The following PBRM1 variants were observed in gnomAD, a reference collection of about 807,000 sequenced individuals.
PBRM1 encodes polybromo 1.
Under a neutral mutation model 194.5 loss-of-function variants are expected in PBRM1, and 27 were observed. The ratio of observed to expected loss-of-function variants is 0.14; its 90% CI spans 0.10 to 0.19. The LOEUF is 0.19. Among genes scored for constraint, PBRM1 ranks in the 10% least tolerant of loss-of-function variants. The pLI is 1.00. For synonymous variants in PBRM1, 655 were observed against 693.2 expected, an observed-to-expected ratio of 0.94 and a Z score of 0.87; for missense variants, 1,466 against 2,077.2, an observed-to-expected ratio of 0.71 and a Z score of 5.72.
Position 52,590,131 on chromosome 3 carries a change from TA to T in PBRM1, c.2780-877del, listed in dbSNP as rs1166824052. Among the ~76,000 whole-genome samples, 12 of 152,028 alleles carry T rather than the reference TA, an allele frequency of 7.9e-5. No individual in the cohort carries two copies. In the South Asian group the frequency reaches 2.1e-3, roughly 26 times the overall value. ...TGAGCCACCGCGCCCAGATGACTTT[TA>T]TTTTTGTTAAGTAAAACTTATTAAT... On this transcript the variant is annotated intron_variant, in intron 17 of 29. Coordinates refer to ENST00000296302, the Ensembl canonical transcript of PBRM1.
Position 52,587,195 on chromosome 3 carries a change from T to A in PBRM1, c.3123+158A>T, listed in dbSNP as rs866865947. On this transcript the variant is annotated intron_variant, in intron 19 of 29. Transcript: ENST00000296302. ...TGGTCTTTCACAACGAAGTTCAGGTTAATTTCTTCCCAAATCTTTTCATAT... is the reference window on the plus strand; with the variant it reads ...TGGTCTTTCACAACGAAGTTCAGGTAAATTTCTTCCCAAATCTTTTCATAT... 5.3e-5 allele frequency among the ~76,000 whole-genome samples: 8 copies of A among 152,368 alleles called. 1 individual carries two copies. The Middle Eastern group carries it at 0.01, about 194-fold the overall frequency.
At chr3:52,621,850 G>A (rs373276769) in intron 13 of PBRM1, among the ~76,000 whole-genome samples, 2 of 152,130 alleles carry the variant, frequency 1.3e-5, no homozygotes, top group African/African-American at 2.4e-5. Flanking sequence ...CCAGGAGTTC[G>A]AGACCAGCCT....
At position 52,613,536 on chromosome 3, in the gene PBRM1, G is replaced by A. The variant is rs146832971; in HGVS notation, c.1924+1815C>T. Among the ~76,000 whole-genome samples the A allele has an allele frequency of 4.7e-4, 71 of 152,002 alleles. 1 individual carries two copies. Among genetic ancestry groups the A allele is most frequent in the Admixed American group, 2.6e-3 (39 of 15,242 alleles). ...TTTTATATTTTTTTGTAGAGACAAG[G>A]TCTCCCTATGTTGCCCAGGCTGGTC... On this transcript the variant is annotated intron_variant, in intron 15 of 29. Coordinates refer to ENST00000296302, the Ensembl canonical transcript of PBRM1.
intron 16 of PBRM1, chr3:52,608,984 C>T (rs1017025419): frequency 1.8e-5 from 4 of 226,596 alleles, no homozygotes; most frequent in East Asian, 1.1e-4. Context: ...AAAAGAAAAA[C>T]GCTGTTACTA....
chr3:52,629,175 T>C, intron 11 of PBRM1, 140 bp from the exon 13 acceptor site: 1 of 645,956 alleles, frequency 1.5e-6, no homozygotes, highest in South Asian at 2.1e-5. Flanking sequence ...AAAAATGACT[T>C]TTGAGATACA....
At chr3:52,570,454 C>T (rs2086684254) in intron 22 of PBRM1, among the ~76,000 whole-genome samples, 1 of 151,990 alleles carries the variant, frequency 6.6e-6, no homozygotes, top group Admixed American at 6.5e-5. Context: ...CCTTTTAATT[C>T]AGAAAAGGGA....
chr3:52,675,209 A>G (rs935011816), intron 2 of PBRM1, among the ~76,000 whole-genome samples: 46 of 152,240 alleles, frequency 3.0e-4, no homozygotes, highest in African/African-American at 1.0e-3. Flanking sequence ...TAGTAAGGAG[A>G]CTGAATCAGT....
chr3:52,555,291 G>T (rs1419688109), intron 26 of PBRM1, among the ~76,000 whole-genome samples: 1 of 152,166 alleles, frequency 6.6e-6, no homozygotes, highest in Non-Finnish European at 1.5e-5. Context: ...ACACTCATAT[G>T]CCTATCATGG....
At chr3:52,634,364 G>C (rs1163009563) in intron 11 of PBRM1, among the ~76,000 whole-genome samples, 1 of 149,718 alleles carries the variant, frequency 6.7e-6, no homozygotes, top group Non-Finnish European at 1.5e-5. Flanking sequence ...CTGAACCCAG[G>C]AGGCGGAGGT....
At chr3:52,595,906 C>T (rs1435543218) in intron 17 of PBRM1, among the ~76,000 whole-genome samples, 5 of 152,056 alleles carry the variant, frequency 3.3e-5, no homozygotes, top group South Asian at 2.1e-4. Context: ...CTGTCCTTTC[C>T]CCAATGTATA....
intron 14 of PBRM1, among the ~76,000 whole-genome samples, chr3:52,615,901 A>G (rs1025572739): frequency 6.6e-6 from 1 of 152,220 alleles, no homozygotes; most frequent in African/African-American, 2.4e-5. Flanking sequence ...CACAGTCTGA[A>G]GCTTAATCTA....
chr3:52,573,859 C>G (rs1559982219), intron 22 of PBRM1, among the ~76,000 whole-genome samples: 1 of 152,172 alleles, frequency 6.6e-6, no homozygotes, highest in Admixed American at 6.5e-5. Flanking sequence ...TACTTTCTGT[C>G]TCAGTGGCAG....
chr3:52,638,995 G>C (rs1268279761), intron 10 of PBRM1, among the ~76,000 whole-genome samples: 1 of 118,246 alleles, frequency 8.5e-6, no homozygotes, highest in East Asian at 3.0e-4. Context: ...TTGGGGGGGG[G>C]GGGCGGGGGA....
chr3:52,657,528 G>T (rs1047874875), intron 5 of PBRM1, among the ~76,000 whole-genome samples: 1 of 151,990 alleles, frequency 6.6e-6, no homozygotes, highest in Non-Finnish European at 1.5e-5. Flanking sequence ...GGAGTGCAAC[G>T]GCATGATGTC....
exon 1 of PBRM1, chr3:52,679,644 T>C: frequency 6.2e-7 from 1 of 1,614,040 alleles, no homozygotes; most frequent in Non-Finnish European, 8.5e-7. Context: ...CACAGAATGG[T>C]GCCCATCATC....
Position 52,653,364 on chromosome 3 carries a change from T to C in PBRM1, c.646-1554A>G, listed in dbSNP as rs540846278. Among the ~76,000 whole-genome samples the C allele has an allele frequency of 2.5e-3, 383 of 150,848 alleles. 6 individuals carry two copies. Among genetic ancestry groups the C allele is most frequent in the African/African-American group, 8.9e-3 (366 of 41,000 alleles). On this transcript the variant is annotated intron_variant, in intron 5 of 29. Coordinates refer to ENST00000296302, the Ensembl canonical transcript of PBRM1. ...CAGCACTTTGGGAGGCTGAGGTGGG[T>C]GGATCACCTGAAGTCAGGAGTTCGA...
chr3:52,641,846 T>C (rs2096099839), intron 10 of PBRM1, 108 bp downstream of exon 11: 1 of 775,494 alleles, frequency 1.3e-6, no homozygotes, highest in Admixed American at 1.8e-5. Flanking sequence ...TAAAATAGCA[T>C]GTACTTCCCA....
At chr3:52,623,986 A>G (rs958876695) in intron 13 of PBRM1, among the ~76,000 whole-genome samples, 2 of 152,230 alleles carry the variant, frequency 1.3e-5, no homozygotes, top group African/African-American at 4.8e-5. Context: ...GAAGATGACA[A>G]TGATAACATA....
At chr3:52,640,463 G>T (rs139907714) in intron 10 of PBRM1, among the ~76,000 whole-genome samples, 1 of 151,922 alleles carries the variant, frequency 6.6e-6, no homozygotes, top group African/African-American at 2.4e-5. Context: ...TAGAGACAGC[G>T]TTTTGCCATG....
Sources: gnomAD v4.1 joint callset for allele counts (sites outside exome capture counted in the v4.1 genomes callset) on GRCh38, gnomAD v4.1.1 for gene constraint, MANE v1.5 for transcripts, NCBI Gene and HGNC (gene_info 2026-07-23, HGNC 2026-07-21) for gene names.